PRR16: variants seen among roughly 807,000 people sequenced by gnomAD.
PRR16 encodes the protein proline rich 16, also known as protein Largen.
In PRR16, 6 loss-of-function variants were observed where a neutral mutation model predicts 18.2. That is an observed-to-expected ratio of 0.33 (90% CI 0.18 to 0.65). The LOEUF (loss-of-function observed/expected upper bound fraction) is 0.65. Ranked by LOEUF, PRR16 falls within the 30% of genes least tolerant of loss-of-function variation. The probability of loss-of-function intolerance (pLI) is 0.74; values close to 1 mark genes in which losing one functional copy is unlikely to be tolerated. For missense variants in PRR16, 412 were observed against 376.6 expected (o/e 1.09, Z -0.78); for synonymous variants, 151 against 147.8 (o/e 1.02, Z -0.16).
At chr5:120,751,372 A>G in the PRR16 span, among the ~76,000 whole-genome samples, 1 of 152,096 alleles carries the variant, frequency 6.6e-6, no homozygotes, top group African/African-American at 2.4e-5. Flanking sequence ...GGTGACTATA[A>G]TAATTTGCAT....
intron 1 of PRR16, among the ~76,000 whole-genome samples, chr5:120,504,667 A>T (rs796192183): frequency 7.9e-5 from 12 of 152,292 alleles, no homozygotes; most frequent in African/African-American, 2.9e-4. Context: ...CTCAAGCAAA[A>T]ATTCAGAGAA....
At chr5:120,585,656 CT>C (rs199883590) in intron 1 of PRR16, among the ~76,000 whole-genome samples, 2,399 of 150,994 alleles carry the variant, frequency 0.016, 59 homozygotes, top group African/African-American at 0.054. Context: ...TACCCCACTC[CT>C]TTGCCATCTC....
intron 1 of PRR16, among the ~76,000 whole-genome samples, chr5:120,539,015 C>T (rs1751822305): frequency 6.6e-6 from 1 of 152,034 alleles, no homozygotes; most frequent in Non-Finnish European, 1.5e-5. Flanking sequence ...CAGACGAGAC[C>T]ACTCCAAGGA....
chr5:120,468,741 T>G (rs903318924), intron 1 of PRR16, among the ~76,000 whole-genome samples: 1 of 152,210 alleles, frequency 6.6e-6, no homozygotes, highest in African/African-American at 2.4e-5. Flanking sequence ...CTGGAATCTG[T>G]AATAATCAGC....
chr5:120,515,912 T>C (rs1433203442), intron 1 of PRR16, among the ~76,000 whole-genome samples: 1 of 152,210 alleles, frequency 6.6e-6, no homozygotes, highest in African/African-American at 2.4e-5. Context: ...ATTTCTTTCT[T>C]CAAGAATCTC....
chr5:120,551,767 C>T (rs980323508), intron 1 of PRR16, among the ~76,000 whole-genome samples: 1 of 151,884 alleles, frequency 6.6e-6, no homozygotes, highest in Non-Finnish European at 1.5e-5. Context: ...AGAAAGACCT[C>T]GGTTGCACTG....
chr5:120,772,171 G>A, the PRR16 span, among the ~76,000 whole-genome samples: 11 of 152,026 alleles, frequency 7.2e-5, no homozygotes, highest in Admixed American at 5.3e-4. Context: ...TCAAATTTAA[G>A]CAATATGCAA....
At chr5:120,623,029 C>T (rs921924144) in intron 1 of PRR16, among the ~76,000 whole-genome samples, 6 of 151,638 alleles carry the variant, frequency 4.0e-5, no homozygotes, top group South Asian at 2.1e-4. Flanking sequence ...TTCACAAAAA[C>T]GAAAGGTAAT....
chr5:120,659,012 C>A (rs949415116), intron 1 of PRR16, among the ~76,000 whole-genome samples: 15 of 151,958 alleles, frequency 9.9e-5, no homozygotes, highest in Admixed American at 5.9e-4. Context: ...CTCTTTCTCT[C>A]TCACCTGCGA....
chr5:120,782,934 ATCTC>A, the PRR16 span, among the ~76,000 whole-genome samples: 13 of 152,242 alleles, frequency 8.5e-5, no homozygotes, highest in Non-Finnish European at 8.8e-5. Context: ...TTAAATTGTC[ATCTC>A]TCTAAGTTGT....
At chr5:120,692,599 G>A in the PRR16 span, among the ~76,000 whole-genome samples, 1 of 152,064 alleles carries the variant, frequency 6.6e-6, no homozygotes, top group African/African-American at 2.4e-5. Flanking sequence ...TGTGCATATG[G>A]GTGTGGGCCC....
chr5:120,485,178 C>G (rs1239016448), intron 1 of PRR16, among the ~76,000 whole-genome samples: 2 of 152,014 alleles, frequency 1.3e-5, no homozygotes, highest in Non-Finnish European at 2.9e-5. Flanking sequence ...AATTAACTTG[C>G]TAAACATTTA....
At chr5:120,494,599 A>T (rs980970013) in intron 1 of PRR16, among the ~76,000 whole-genome samples, 1 of 152,148 alleles carries the variant, frequency 6.6e-6, no homozygotes, top group Admixed American at 6.5e-5. Flanking sequence ...TTCTTAGAGC[A>T]AAAGTTTTAA....
chr5:120,785,569 G>GTTTTTTTTTTTTTTTT, the PRR16 span, among the ~76,000 whole-genome samples: 15 of 99,644 alleles, frequency 1.5e-4, 1 homozygote, highest in African/African-American at 3.8e-4. Context: ...GTGTTTTGTT[G>GTTTTTTTTTTTTTTTT]TTGTTGTTTT....
intron 1 of PRR16, among the ~76,000 whole-genome samples, chr5:120,487,485 G>A (rs1018129502): frequency 6.6e-6 from 1 of 152,224 alleles, no homozygotes; most frequent in African/African-American, 2.4e-5. Flanking sequence ...TGTGATTTTT[G>A]CACATTGATT....
At chr5:120,547,548 G>A (rs897203815) in intron 1 of PRR16, among the ~76,000 whole-genome samples, 2 of 149,232 alleles carry the variant, frequency 1.3e-5, no homozygotes, top group Non-Finnish European at 3.0e-5. Context: ...TCCTCATTTC[G>A]ATGCATTTTC....
chr5:120,587,878 G>A (rs1265823440), intron 1 of PRR16, among the ~76,000 whole-genome samples: 1 of 152,154 alleles, frequency 6.6e-6, no homozygotes, highest in Non-Finnish European at 1.5e-5. Flanking sequence ...TGATGGATAT[G>A]GGAAAAGTAA....
chr5:120,725,785 C>CT, the PRR16 span, among the ~76,000 whole-genome samples: 1 of 151,768 alleles, frequency 6.6e-6, no homozygotes, highest in Non-Finnish European at 1.5e-5. Flanking sequence ...GCTTAGGGTC[C>CT]TAAAAAATAA....
chr5:120,571,854 T>G (rs1352324392), intron 1 of PRR16, among the ~76,000 whole-genome samples: 2 of 152,154 alleles, frequency 1.3e-5, no homozygotes, highest in Non-Finnish European at 2.9e-5. Flanking sequence ...TTGGAGATAC[T>G]CAGCTGATGG....
Sources: allele counts gnomAD v4.1 joint callset (sites outside exome capture counted in the v4.1 genomes callset), GRCh38; gene constraint gnomAD v4.1.1; transcripts MANE v1.5; gene names NCBI Gene and HGNC (gene_info 2026-07-23, HGNC 2026-07-21).